SGCZ: variants seen among roughly 807,000 people sequenced by gnomAD.
SGCZ encodes sarcoglycan zeta, also known as zeta-sarcoglycan.
A neutral mutation model predicts 41.3 loss-of-function variants in SGCZ; 40 were observed. The ratio of observed to expected loss-of-function variants is 0.97; its 90% CI spans 0.75 to 1.26. SGCZ has a LOEUF of 1.26. Ranked by LOEUF, SGCZ falls within the 50% of genes most tolerant of loss-of-function variation. The pLI is 0.00. For missense variants in SGCZ, 552 were observed against 369.8 expected (o/e 1.49, Z -4.04); for synonymous variants, 206 against 137.5 (o/e 1.50, Z -3.49).
chr8:14,191,470 A>G (rs911355617), intron 4 of SGCZ, among the ~76,000 whole-genome samples: 1 of 152,160 alleles, frequency 6.6e-6, no homozygotes, highest in African/African-American at 2.4e-5. Flanking sequence ...TTTGGGTCTT[A>G]GGTATAGATC....
At chr8:14,376,426 T>G (rs1212734211) in intron 2 of SGCZ, among the ~76,000 whole-genome samples, 3 of 152,218 alleles carry the variant, frequency 2.0e-5, no homozygotes, top group Admixed American at 6.5e-5. Flanking sequence ...CAGAGAGATT[T>G]GAAAGGTTAG....
intron 2 of SGCZ, among the ~76,000 whole-genome samples, chr8:14,506,983 A>G (rs550736105): frequency 6.6e-6 from 1 of 152,208 alleles, no homozygotes; most frequent in Non-Finnish European, 1.5e-5. Flanking sequence ...ATCTTATCTC[A>G]ACTCAAATAC....
chr8:15,044,863 T>A (rs1449612307), intron 1 of SGCZ, among the ~76,000 whole-genome samples: 1 of 152,064 alleles, frequency 6.6e-6, no homozygotes, highest in Non-Finnish European at 1.5e-5. Flanking sequence ...AATTTTATAT[T>A]ATTTAATTCT....
intron 4 of SGCZ, among the ~76,000 whole-genome samples, chr8:14,183,677 G>T (rs1180546957): frequency 1.3e-5 from 2 of 152,128 alleles, no homozygotes; most frequent in Non-Finnish European, 1.5e-5. Flanking sequence ...TACCAAGCTT[G>T]CCAGCTTAAC....
At chr8:14,747,728 T>TGTGTGC (rs1181558096) in intron 1 of SGCZ, among the ~76,000 whole-genome samples, 1 of 149,088 alleles carries the variant, frequency 6.7e-6, no homozygotes, top group African/African-American at 2.5e-5. Flanking sequence ...TGTGTGTGTG[T>TGTGTGC]GTGTGAGACT....
At chr8:14,641,981 G>C (rs1302297125) in intron 1 of SGCZ, among the ~76,000 whole-genome samples, 1 of 151,610 alleles carries the variant, frequency 6.6e-6, no homozygotes. Context: ...TCTCTGCAGG[G>C]ATGCAAGGCC....
At chr8:14,328,127 T>C (rs529848409) in intron 2 of SGCZ, among the ~76,000 whole-genome samples, 1 of 152,220 alleles carries the variant, frequency 6.6e-6, no homozygotes, top group South Asian at 2.1e-4. Flanking sequence ...TGATAAAATG[T>C]ATAAAGCTGT....
chr8:14,739,894 C>T (rs1011383055), intron 1 of SGCZ, among the ~76,000 whole-genome samples: 2 of 151,968 alleles, frequency 1.3e-5, no homozygotes, highest in Non-Finnish European at 2.9e-5. Context: ...TACAGCAAAA[C>T]CTTTCCGTAC....
chr8:14,557,638 C>T (rs1489252005), intron 1 of SGCZ, among the ~76,000 whole-genome samples: 3 of 151,972 alleles, frequency 2.0e-5, no homozygotes, highest in African/African-American at 4.8e-5. Flanking sequence ...CATTATCCTA[C>T]ACATGGCTTG....
At position 15,159,753 on chromosome 8, in the gene SGCZ, C is replaced by T. The variant is rs1160892518; in HGVS notation, c.39+77832G>A. On this transcript the variant is annotated intron_variant, in intron 1 of 7. Transcript: ENST00000382080. Reference sequence around the variant, plus strand: ...CCCGCCCCCCCCACCCTCCCCCCCACCCCCGCCACACACACACAGATGGTG... The same window carrying T: ...CCCGCCCCCCCCACCCTCCCCCCCATCCCCGCCACACACACACAGATGGTG... 1.1e-3 allele frequency among the ~76,000 whole-genome samples: 40 copies of T among 35,258 alleles called. 6 individuals are homozygous for T. The highest frequency in any genetic ancestry group is 2.0e-3 in the Non-Finnish European group (32 of 15,820). 23.1% of individuals were successfully genotyped at this position (35,258 alleles called of 152,430 possible).
chr8:14,104,284 T>C (rs1276956442), intron 6 of SGCZ, among the ~76,000 whole-genome samples: 2 of 152,172 alleles, frequency 1.3e-5, no homozygotes. Context: ...CAGACTGGCT[T>C]TCACAGTGGG....
chr8:14,828,831 C>T (rs1052180114), intron 1 of SGCZ, among the ~76,000 whole-genome samples: 2 of 152,108 alleles, frequency 1.3e-5, no homozygotes, highest in Non-Finnish European at 2.9e-5. Context: ...CAGCAGAGTC[C>T]TTCTTTACCA....
At chr8:14,351,425 C>A (rs1333171739) in intron 2 of SGCZ, among the ~76,000 whole-genome samples, 2 of 151,964 alleles carry the variant, frequency 1.3e-5, no homozygotes, top group African/African-American at 4.8e-5. Context: ...CTTACCTACC[C>A]TCATTTTTTA....
chr8:14,876,997 C>A (rs1376233440), intron 1 of SGCZ, among the ~76,000 whole-genome samples: 1 of 152,104 alleles, frequency 6.6e-6, no homozygotes, highest in African/African-American at 2.4e-5. Flanking sequence ...TATTTTGAGA[C>A]AGAGTCTCAC....
At chr8:14,220,555 G>C (rs1415963702) in intron 4 of SGCZ, among the ~76,000 whole-genome samples, 1 of 151,944 alleles carries the variant, frequency 6.6e-6, no homozygotes, top group Non-Finnish European at 1.5e-5. Context: ...TTACTTTTCT[G>C]TGTATGTGTT....
chr8:14,930,198 A>G (rs1477158231), intron 1 of SGCZ, among the ~76,000 whole-genome samples: 2 of 152,088 alleles, frequency 1.3e-5, no homozygotes, highest in Non-Finnish European at 1.5e-5. Flanking sequence ...GACACTTCTC[A>G]AAAGAAGACA....
chr8:14,204,026 A>C (rs1461553098), intron 4 of SGCZ, among the ~76,000 whole-genome samples: 2 of 152,052 alleles, frequency 1.3e-5, no homozygotes, highest in Admixed American at 6.6e-5. Flanking sequence ...ATATATGGAG[A>C]GGGGAGACAG....
At chr8:14,674,737 G>A (rs1761302719) in intron 1 of SGCZ, among the ~76,000 whole-genome samples, 1 of 151,650 alleles carries the variant, frequency 6.6e-6, no homozygotes, top group African/African-American at 2.4e-5. Flanking sequence ...TAGTGAGTGA[G>A]TTCTCAAGAG....
intron 1 of SGCZ, among the ~76,000 whole-genome samples, chr8:14,811,260 C>G (rs1045925018): frequency 6.6e-6 from 1 of 151,920 alleles, no homozygotes; most frequent in Non-Finnish European, 1.5e-5. Flanking sequence ...ATGCTGTGAA[C>G]TGAAACTTAC....
Sources: allele counts gnomAD v4.1 joint callset (sites outside exome capture counted in the v4.1 genomes callset), GRCh38; gene constraint gnomAD v4.1.1; transcripts MANE v1.5; gene names NCBI Gene and HGNC (gene_info 2026-07-23, HGNC 2026-07-21).